The following ANKS1B variants were observed in gnomAD, a reference collection of about 807,000 sequenced individuals.
ANKS1B encodes the protein ankyrin repeat and sterile alpha motif domain-containing protein 1B.
ANKS1B carries 36 observed loss-of-function variants against 148.3 expected under a neutral mutation model. That is an observed-to-expected ratio of 0.24 (90% CI 0.19 to 0.32). ANKS1B has a LOEUF of 0.32. ANKS1B is among the 10% of genes least tolerant of loss of function. The pLI is 1.00. For missense variants in ANKS1B, 1,157 were observed against 1,542.6 expected (o/e 0.75, Z 4.19); for synonymous variants, 542 against 560.8 (o/e 0.97, Z 0.47).
intron 17 of ANKS1B, among the ~76,000 whole-genome samples, chr12:98,871,019 C>T (rs1254560495): frequency 1.3e-5 from 2 of 152,170 alleles, no homozygotes. Flanking sequence ...AAATTTCTTC[C>T]CACCTCTTTG....
chr12:99,198,425 T>C (rs1479093082), intron 14 of ANKS1B, among the ~76,000 whole-genome samples: 1 of 152,156 alleles, frequency 6.6e-6, no homozygotes, highest in Non-Finnish European at 1.5e-5. Context: ...AACATGAATA[T>C]AGCACTAGGG....
intron 22 of ANKS1B, among the ~76,000 whole-genome samples, chr12:98,783,396 G>A (rs1167474697): frequency 1.3e-5 from 2 of 152,210 alleles, no homozygotes; most frequent in African/African-American, 4.8e-5. Context: ...AGAAGAGGAC[G>A]AGGCGGCCCA....
rs2061927215 is a variant in ANKS1B, at chr12:99,759,938, AG to A, written c.1128+12983del. On this transcript the variant is annotated intron_variant, in intron 8 of 26. Coordinates refer to ENST00000683438, the MANE Select transcript of ANKS1B (RefSeq NM_001352186.2). ...GTTTAATTCAAGTTAGAGATTATAA[AG>A]AGATTAGAAAGAACAAAAGTATCAA... 2.3e-5 allele frequency among the ~76,000 whole-genome samples: 3 copies of A among 129,384 alleles called. No homozygotes were observed. In the Admixed American group the frequency reaches 2.5e-4, roughly 11 times the overall value. The allele number at this position is 129,384 out of a possible 152,430, so 84.9% of individuals were successfully genotyped here.
intron 1 of ANKS1B, among the ~76,000 whole-genome samples, chr12:99,983,226 C>G (rs936597208): frequency 1.3e-5 from 2 of 152,170 alleles, no homozygotes; most frequent in African/African-American, 4.8e-5. Flanking sequence ...CTAGTGAATA[C>G]TCTCCAGGCT....
rs1039858228 is a variant in ANKS1B, at chr12:99,560,619, T to A, written c.1273-55978A>T. ...TATAAACATTATACTTACACTATACTATATTCTACTTAGTGTGCAATAGCA... is the reference window on the plus strand; with the variant it reads ...TATAAACATTATACTTACACTATACAATATTCTACTTAGTGTGCAATAGCA... On this transcript the variant is annotated intron_variant, in intron 9 of 26. Transcript: ENST00000683438. 2.6e-5 allele frequency among the ~76,000 whole-genome samples: 4 copies of A among 152,156 alleles called. No homozygotes were observed. The East Asian group carries it at 7.7e-4, about 29-fold the overall frequency.
chr12:99,241,453 G>C (rs117677979), intron 14 of ANKS1B, among the ~76,000 whole-genome samples: 7 of 152,130 alleles, frequency 4.6e-5, no homozygotes, highest in African/African-American at 1.7e-4. Context: ...ATTCACAGCC[G>C]AGTTCTACCA....
intron 8 of ANKS1B, among the ~76,000 whole-genome samples, chr12:99,750,174 A>G (rs985456883): frequency 1.3e-5 from 2 of 152,062 alleles, no homozygotes; most frequent in African/African-American, 4.8e-5. Context: ...CTTATAATTT[A>G]TAACTTTTTA....
chr12:99,561,124 G>A (rs117984531), intron 9 of ANKS1B, among the ~76,000 whole-genome samples: 2,334 of 152,220 alleles, frequency 0.015, 27 homozygotes, highest in Middle Eastern at 0.031. Flanking sequence ...AGGATTACAG[G>A]TGTAAGCCAG....
intron 15 of ANKS1B, among the ~76,000 whole-genome samples, chr12:99,146,273 G>C (rs151097505): frequency 1.3e-5 from 2 of 152,202 alleles, no homozygotes; most frequent in Non-Finnish European, 2.9e-5. Flanking sequence ...CATCTGAATA[G>C]ATAAAAGAAC....
chr12:99,773,977 C>T (rs1269837759), intron 7 of ANKS1B, among the ~76,000 whole-genome samples: 3 of 152,042 alleles, frequency 2.0e-5, no homozygotes, highest in African/African-American at 7.2e-5. Flanking sequence ...TGACCCTTAT[C>T]TCATCCCCTA....
intron 8 of ANKS1B, among the ~76,000 whole-genome samples, chr12:99,690,319 A>C (rs1259090667): frequency 6.6e-6 from 1 of 152,118 alleles, no homozygotes; most frequent in Non-Finnish European, 1.5e-5. Flanking sequence ...CCCAAATCTC[A>C]TGTCTTTTCA....
intron 15 of ANKS1B, among the ~76,000 whole-genome samples, chr12:99,089,869 A>T (rs2053446901): frequency 6.6e-6 from 1 of 152,234 alleles, no homozygotes; most frequent in African/African-American, 2.4e-5. Flanking sequence ...TAAGGTGTTT[A>T]AATAACAATA....
chr12:99,889,645 A>G, intron 1 of ANKS1B, among the ~76,000 whole-genome samples: 1 of 152,230 alleles, frequency 6.6e-6, no homozygotes, highest in South Asian at 2.1e-4. Context: ...AAGGTAGAAT[A>G]CTTAACAAAA....
intron 14 of ANKS1B, among the ~76,000 whole-genome samples, chr12:99,185,858 T>C (rs2079769824): frequency 6.6e-6 from 1 of 152,156 alleles, no homozygotes; most frequent in South Asian, 2.1e-4. Context: ...TTTTCTTTCA[T>C]ACCCCAGTGG....
chr12:99,029,479 G>A (rs2099950697), intron 17 of ANKS1B, among the ~76,000 whole-genome samples: 1 of 152,196 alleles, frequency 6.6e-6, no homozygotes, highest in Non-Finnish European at 1.5e-5. Flanking sequence ...AGGGTGAATT[G>A]CTCACGCTTT....
At chr12:99,565,762 G>A (rs1479871278) in intron 9 of ANKS1B, among the ~76,000 whole-genome samples, 1 of 152,128 alleles carries the variant, frequency 6.6e-6, no homozygotes, top group Non-Finnish European at 1.5e-5. Context: ...CTTTTTAGAT[G>A]AAGCTGGCAG....
chr12:99,183,770 G>C (rs2079434233), intron 14 of ANKS1B, among the ~76,000 whole-genome samples: 1 of 152,132 alleles, frequency 6.6e-6, no homozygotes, highest in African/African-American at 2.4e-5. Flanking sequence ...TTTTCCTCAT[G>C]AATCTCCAAT....
chr12:99,054,016 G>A (rs770865827), intron 16 of ANKS1B, among the ~76,000 whole-genome samples: 24 of 152,238 alleles, frequency 1.6e-4, no homozygotes, highest in Non-Finnish European at 3.2e-4. Flanking sequence ...TTAAATTGGA[G>A]TGTGAAAGTA....
intron 8 of ANKS1B, among the ~76,000 whole-genome samples, chr12:99,705,406 T>C (rs1372190456): frequency 6.6e-6 from 1 of 152,092 alleles, no homozygotes; most frequent in African/African-American, 2.4e-5. Flanking sequence ...AAAAGAGGGA[T>C]TTCCTAGGAT....
Sources: gnomAD v4.1 joint callset for allele counts (sites outside exome capture counted in the v4.1 genomes callset) on GRCh38, gnomAD v4.1.1 for gene constraint, MANE v1.5 for transcripts, NCBI Gene and HGNC (gene_info 2026-07-23, HGNC 2026-07-21) for gene names.